SLC35F5: variants seen among roughly 807,000 people sequenced by gnomAD.
The protein encoded by SLC35F5 is solute carrier family 35 member F5.
SLC35F5 carries 54 observed loss-of-function variants against 68.6 expected under a neutral mutation model. The observed-to-expected ratio is 0.79, with a 90% CI of 0.63 to 0.99. The LOEUF (loss-of-function observed/expected upper bound fraction) is 0.99. SLC35F5 is among the 50% of genes least tolerant of loss of function. SLC35F5 has a pLI of 0.00. For missense variants in SLC35F5, 567 were observed against 626.9 expected (o/e 0.90, Z 1.02); for synonymous variants, 211 against 205.2 (o/e 1.03, Z -0.24).
chr2:113,755,647 T>C, intron 1 of SLC35F5, 103 bp from the exon 2 acceptor site: 2 of 1,195,364 alleles, frequency 1.7e-6, no homozygotes, highest in Non-Finnish European at 2.4e-6. Context: ...AGCAAATCAA[T>C]GAAAAGGACC....
intron 11 of SLC35F5, 171 bp from the exon 12 acceptor site, chr2:113,725,708 T>TAA (rs142067133): frequency 0.013 from 6,110 of 458,178 alleles, 1 homozygote; most frequent in Non-Finnish European, 0.016. Flanking sequence ...CTCAACGCCA[T>TAA]AGAAAAAAAA....
rs368222363 is a variant in SLC35F5 at position 113,709,897 on chromosome 2, G to A, written c.*5321C>T. 2.0e-5 allele frequency among the ~76,000 whole-genome samples: 3 copies of A among 152,068 alleles called. No homozygotes were observed. Among genetic ancestry groups the A allele is most frequent in the Admixed American group, 1.3e-4 (2 of 15,260 alleles). Reference sequence around the variant, plus strand: ...CCCAATAATAACTCACTGCAGCCTCGAACTCCTGGGTTCAAGTGATCCTCC... The same window carrying A: ...CCCAATAATAACTCACTGCAGCCTCAAACTCCTGGGTTCAAGTGATCCTCC... On this transcript the variant is annotated 3_prime_UTR_variant, in exon 16 of 16. Transcript: ENST00000245680.
chr2:113,706,030 C>T (rs1367399489), downstream of SLC35F5, among the ~76,000 whole-genome samples: 2 of 152,180 alleles, frequency 1.3e-5, no homozygotes, highest in African/African-American at 4.8e-5. Flanking sequence ...TAAAGGTGAT[C>T]TTGGTTCCAG....
At chr2:113,738,590 T>C (rs1271242731) in intron 7 of SLC35F5, among the ~76,000 whole-genome samples, 1 of 152,128 alleles carries the variant, frequency 6.6e-6, no homozygotes, top group Non-Finnish European at 1.5e-5. Flanking sequence ...GATACTGATT[T>C]CATTTACTTT....
At chr2:113,717,618 C>T (rs1345125008) in intron 15 of SLC35F5, 135 bp downstream of exon 15, 1 of 550,340 alleles carries the variant, frequency 1.8e-6, no homozygotes. Flanking sequence ...GAAGACGGAA[C>T]TGGAGTCCAG....
chr2:113,719,970 A>G (rs1574214255), intron 13 of SLC35F5, among the ~76,000 whole-genome samples: 1 of 151,994 alleles, frequency 6.6e-6, no homozygotes, highest in East Asian at 1.9e-4. Flanking sequence ...AACAAGTCTG[A>G]TCCTCCAATC....
intron 7 of SLC35F5, chr2:113,741,965 A>G (rs1218558073): frequency 6.6e-6 from 1 of 152,164 alleles, no homozygotes; most frequent in East Asian, 1.9e-4. Context: ...TGCTCAGTAC[A>G]AATTTGAATC....
rs1687091950 is a variant in SLC35F5, at chr2:113,714,159, A to C, written c.*1059T>G. 6.6e-6 allele frequency: 1 copy of C among 152,176 alleles called. No individual in the cohort carries two copies. The highest frequency in any genetic ancestry group is 6.5e-5 in the Admixed American group (1 of 15,282). 9.4% of individuals were successfully genotyped at this position (152,176 alleles called of 1,614,324 possible). ...TATTTTACATTTAATTTATAATCTTAGTAGAGGAAAAGTTCTGATGTGATT... is the reference window on the plus strand; with the variant it reads ...TATTTTACATTTAATTTATAATCTTCGTAGAGGAAAAGTTCTGATGTGATT... On this transcript the variant is annotated 3_prime_UTR_variant, in exon 16 of 16. Coordinates refer to ENST00000245680, the MANE Select transcript of SLC35F5 (RefSeq NM_025181.5).
At chr2:113,704,467 G>A (rs1305550649), downstream of SLC35F5, among the ~76,000 whole-genome samples, 2 of 152,220 alleles carry the variant, frequency 1.3e-5, no homozygotes, top group Non-Finnish European at 2.9e-5. Context: ...GCACCGCGGA[G>A]CAGGGGGCGC....
intron 10 of SLC35F5, among the ~76,000 whole-genome samples, chr2:113,729,837 A>C (rs1343819328): frequency 6.6e-6 from 1 of 152,134 alleles, no homozygotes. Flanking sequence ...CATGTTTCTT[A>C]TTTTACCCTA....
intron 15 of SLC35F5, 60 bp downstream of exon 15, chr2:113,717,693 C>G: frequency 8.6e-7 from 1 of 1,159,710 alleles, no homozygotes; most frequent in Non-Finnish European, 1.2e-6. Context: ...GAAAATCAAT[C>G]CTTTGAATAT....
chr2:113,724,102 G>A (rs1687564254), intron 12 of SLC35F5, among the ~76,000 whole-genome samples: 1 of 152,196 alleles, frequency 6.6e-6, no homozygotes, highest in South Asian at 2.1e-4. Flanking sequence ...GTAATGAACA[G>A]AGGCTGAACA....
intron 13 of SLC35F5, 112 bp downstream of exon 13, chr2:113,722,992 A>T: frequency 1.7e-6 from 1 of 603,858 alleles, no homozygotes. Flanking sequence ...GAGAGAAAGC[A>T]TCAAGTATTA....
intron 11 of SLC35F5, among the ~76,000 whole-genome samples, chr2:113,726,233 T>C (rs1687658620): frequency 2.0e-5 from 3 of 152,122 alleles, no homozygotes; most frequent in South Asian, 2.1e-4. Context: ...TAAAATAACA[T>C]TTAATAATAT....
chr2:113,754,029 C>T (rs1386063013), intron 3 of SLC35F5, among the ~76,000 whole-genome samples: 4 of 151,990 alleles, frequency 2.6e-5, no homozygotes, highest in South Asian at 2.1e-4. Context: ...AGGTGGCTCA[C>T]GTCTGTAATC....
chr2:113,747,229 G>A (rs1454921197), intron 4 of SLC35F5, among the ~76,000 whole-genome samples: 4 of 151,576 alleles, frequency 2.6e-5, no homozygotes, highest in Non-Finnish European at 5.9e-5. Context: ...GGAGGTTGCA[G>A]TGAGCCGAGA....
rs1404507887 is a variant in SLC35F5, at chr2:113,709,130, A to G, written c.*6088T>C. Among the ~76,000 whole-genome samples, 1 of 152,246 alleles carries G rather than the reference A, an allele frequency of 6.6e-6. No individual in the cohort carries two copies. Among genetic ancestry groups the G allele is most frequent in the African/African-American group, 2.4e-5 (1 of 41,460 alleles). ...CTGTTATTACCACTCTTTACAAAGC[A>G]CTAAGTACACATAGGTGTTTGGCAT... On this transcript the variant is annotated 3_prime_UTR_variant, in exon 16 of 16. Transcript: ENST00000245680.
intron 7 of SLC35F5, 171 bp downstream of exon 7, chr2:113,742,520 AG>A: frequency 1.6e-6 from 1 of 628,402 alleles, no homozygotes; most frequent in Non-Finnish European, 2.8e-6. Flanking sequence ...AGGTATATCA[AG>A]CATTTATTAA....
intron 7 of SLC35F5, 133 bp from the exon 8 acceptor site, chr2:113,735,991 T>C: frequency 1.8e-6 from 1 of 554,506 alleles, no homozygotes; most frequent in Admixed American, 3.5e-5. Flanking sequence ...TGCTTTGTAT[T>C]GAAAAAATCA....
Sources: gnomAD v4.1 joint callset for allele counts (sites outside exome capture counted in the v4.1 genomes callset) on GRCh38, gnomAD v4.1.1 for gene constraint, MANE v1.5 for transcripts, NCBI Gene and HGNC (gene_info 2026-07-23, HGNC 2026-07-21) for gene names.